Variants in PROM1 observed in about 807,000 individuals in gnomAD.
PROM1 encodes prominin-1.
Under a neutral mutation model 116.9 loss-of-function variants are expected in PROM1, and 105 were observed. The ratio of observed to expected loss-of-function variants is 0.90; its 90% confidence interval spans 0.77 to 1.06. The LOEUF (loss-of-function observed/expected upper bound fraction) is 1.06, where lower values mean the gene tolerates loss of function less well. Among genes scored for constraint, PROM1 ranks in the 50% least tolerant of loss-of-function variants. PROM1 has a pLI of 0.00. For synonymous variants in PROM1, 393 were observed against 387.0 expected, an observed-to-expected ratio of 1.02 and a Z score of -0.18; for missense variants, 1,122 against 1,045.2, an observed-to-expected ratio of 1.07 and a Z score of -1.01.
rs1018294521 is a variant in PROM1, at chr4:16,050,542, T to C, written c.221-11541A>G. Among the ~76,000 whole-genome samples the C allele has an allele frequency of 2.0e-5, 3 of 152,142 alleles. No homozygotes were observed. In the East Asian group the frequency reaches 5.8e-4, roughly 30 times the overall value. ...CTAATTTTTGTATTTTCTGAAGAGA[T>C]GAGATTTCGTCATGTTGCCCGGGGT... On this transcript the variant is annotated intron_variant, in intron 2 of 27. Transcript: ENST00000447510.
At chr4:15,984,376 G>T in intron 22 of PROM1, 21 bp from the exon 23 acceptor site, 1 of 1,508,466 alleles carries the variant, frequency 6.6e-7, no homozygotes. Context: ...GGAAACACAG[G>T]GAAACTTTGA....
intron 2 of PROM1, among the ~76,000 whole-genome samples, chr4:16,046,025 T>C (rs973927055): frequency 1.3e-5 from 2 of 152,142 alleles, no homozygotes; most frequent in Admixed American, 6.5e-5. Context: ...TTAAGGAAAA[T>C]GTTCTCAGGT....
At chr4:16,022,254 C>G (rs1429372409) in intron 8 of PROM1, among the ~76,000 whole-genome samples, 1 of 152,102 alleles carries the variant, frequency 6.6e-6, no homozygotes, top group Non-Finnish European at 1.5e-5. Flanking sequence ...TATCCCTTCT[C>G]TGGGCCTCCG....
intron 8 of PROM1, among the ~76,000 whole-genome samples, chr4:16,020,718 A>C (rs770301597): frequency 6.6e-6 from 1 of 152,226 alleles, no homozygotes; most frequent in African/African-American, 2.4e-5. Context: ...TGCATGGCCC[A>C]GGAAATGTGT....
intron 3 of PROM1, among the ~76,000 whole-genome samples, chr4:16,037,277 C>T (rs967758746): frequency 4.6e-5 from 7 of 152,076 alleles, no homozygotes; most frequent in South Asian, 2.1e-4. Flanking sequence ...AGATACAGGC[C>T]GACGTGACAA....
rs1713728360 is a variant in PROM1, at chr4:15,969,046, T to G, written c.*347A>C. 2 of 152,210 alleles carry G rather than the reference T, an allele frequency of 1.3e-5. No homozygotes were observed. The highest frequency in any genetic ancestry group is 2.9e-5 in the Non-Finnish European group (2 of 68,040). 9.4% of individuals were successfully genotyped at this position (152,210 alleles called of 1,614,324 possible). A position where few individuals can be genotyped will look rare whatever the true frequency, so the allele number is the denominator to read the frequency against. ...AATATGTTAGAATCTAGCCATCACATTTGATAGAGTTTTGATAGAAATGCA... is the reference window on the plus strand; with the variant it reads ...AATATGTTAGAATCTAGCCATCACAGTTGATAGAGTTTTGATAGAAATGCA... On this transcript the variant is annotated 3_prime_UTR_variant, in exon 28 of 28. Transcript: ENST00000447510.
chr4:15,995,179 A>G (rs1421812538), intron 15 of PROM1, among the ~76,000 whole-genome samples: 2 of 152,148 alleles, frequency 1.3e-5, no homozygotes, highest in East Asian at 3.9e-4. Flanking sequence ...GACACTTGTT[A>G]GCTGCCTCTG....
At chr4:16,020,535 A>T (rs1269599358) in intron 8 of PROM1, among the ~76,000 whole-genome samples, 1 of 152,206 alleles carries the variant, frequency 6.6e-6, no homozygotes, top group Non-Finnish European at 1.5e-5. Context: ...AGAAATACTC[A>T]GAAATACACA....
chr4:16,050,727 TAGA>T (rs1160358387), intron 2 of PROM1, among the ~76,000 whole-genome samples: 1 of 152,228 alleles, frequency 6.6e-6, no homozygotes, highest in Non-Finnish European at 1.5e-5. Context: ...TCAGATATCT[TAGA>T]AGAAGTTAAT....
rs539993941 is a variant in PROM1 at position 15,968,907 on chromosome 4, A to C, written c.*486T>G. On this transcript the variant is annotated 3_prime_UTR_variant, in exon 28 of 28. Coordinates refer to ENST00000447510, the MANE Select transcript of PROM1 (RefSeq NM_006017.3). ...AGCTCATTTAGAAGAAAGTCCTATA[A>C]TACTCATTTGTTTAAAAAACTCTGT... 6.6e-6 allele frequency: 1 copy of C among 152,320 alleles called. No homozygotes were observed. Among genetic ancestry groups the C allele is most frequent in the African/African-American group, 2.4e-5 (1 of 41,562 alleles). 9.4% of individuals were successfully genotyped at this position (152,320 alleles called of 1,614,324 possible).
Position 15,971,001 on chromosome 4 carries a change from T to A in PROM1, c.*24+42A>T, listed in dbSNP as rs1276388392. 4 of 1,476,666 alleles carry A rather than the reference T, an allele frequency of 2.7e-6. No homozygotes were observed. In the African/African-American group the frequency reaches 4.2e-5, roughly 15 times the overall value. 91.5% of individuals were successfully genotyped at this position (1,476,666 alleles called of 1,614,324 possible). A position where few individuals can be genotyped will look rare whatever the true frequency, so the allele number is the denominator to read the frequency against. ...TTTTGATGTTCTAAAAACTAAAAAC[T>A]ATAGTCCTGTAGATTCTCTTCAATG... On this transcript the variant is annotated intron_variant, in intron 27 of 27. Coordinates refer to ENST00000447510, the MANE Select transcript of PROM1 (RefSeq NM_006017.3).
At chr4:16,043,690 G>A (rs1447448762) in intron 2 of PROM1, among the ~76,000 whole-genome samples, 2 of 152,220 alleles carry the variant, frequency 1.3e-5, no homozygotes, top group African/African-American at 4.8e-5. Flanking sequence ...GCAGGGATGT[G>A]TACTGTAGCC....
intron 11 of PROM1, 121 bp downstream of exon 11, chr4:16,013,154 G>T: frequency 1.3e-6 from 1 of 784,542 alleles, no homozygotes; most frequent in Non-Finnish European, 2.1e-6. Flanking sequence ...TATTTGTTTA[G>T]TTTTGACAGC....
intron 13 of PROM1, among the ~76,000 whole-genome samples, chr4:16,005,914 T>C (rs1400703105): frequency 1.3e-5 from 2 of 152,362 alleles, no homozygotes; most frequent in Non-Finnish European, 1.5e-5. Flanking sequence ...GTCGTATCCA[T>C]AGAGTCACAG....
chr4:16,063,885 G>A (rs185179659), intron 2 of PROM1, among the ~76,000 whole-genome samples: 23 of 152,266 alleles, frequency 1.5e-4, no homozygotes, highest in African/African-American at 5.1e-4. Flanking sequence ...GGGGTAGGAG[G>A]AGTGAATAGA....
intron 2 of PROM1, among the ~76,000 whole-genome samples, chr4:16,051,965 TATA>T (rs1737987156): frequency 6.6e-6 from 1 of 152,194 alleles, no homozygotes; most frequent in East Asian, 1.9e-4. Context: ...TAAAGTTCTA[TATA>T]ATGTCCGAAA....
rs1027738842 is a variant in PROM1 at position 16,013,935 on chromosome 4, A to G, written c.1078-597T>C. Among the ~76,000 whole-genome samples, 3 of 101,636 alleles carry G rather than the reference A, an allele frequency of 3.0e-5. No homozygotes were observed. The Admixed American group carries it at 3.5e-4, about 12-fold the overall frequency. The allele number at this position is 101,636 out of a possible 152,430, so 66.7% of individuals were successfully genotyped here. On this transcript the variant is annotated intron_variant, in intron 10 of 27. Transcript: ENST00000447510. The stretch of plus-strand genomic sequence containing the variant: ...TCTAATTAAAAATAAAATTAGAAAT[A>G]TAGTCTAAACGAAAAAAAAAAATGT...
At chr4:15,981,318 C>A (rs1051462052) in intron 23 of PROM1, among the ~76,000 whole-genome samples, 1 of 150,216 alleles carries the variant, frequency 6.7e-6, no homozygotes, top group Non-Finnish European at 1.5e-5. Flanking sequence ...TTCCTGTAAT[C>A]TCAGCACTTT....
intron 18 of PROM1, 139 bp from the exon 19 acceptor site, chr4:15,989,963 C>A (rs1283679582): frequency 1.5e-6 from 1 of 678,812 alleles, no homozygotes; most frequent in Non-Finnish European, 2.6e-6. Flanking sequence ...GGCATGGGGG[C>A]TGGTGTGAGG....
Sources: allele counts gnomAD v4.1 joint callset (sites outside exome capture counted in the v4.1 genomes callset), GRCh38; gene constraint gnomAD v4.1.1; transcripts MANE v1.5; gene names NCBI Gene and HGNC (gene_info 2026-07-23, HGNC 2026-07-21).